Variants in PGR observed in about 807,000 individuals in gnomAD.
PGR encodes nuclear receptor subfamily 3 group C member 3.
A neutral mutation model predicts 76.1 loss-of-function variants in PGR; 25 were observed. That is an observed-to-expected ratio of 0.33 (90% CI 0.24 to 0.46). The LOEUF is 0.46. PGR is among the 20% of genes least tolerant of loss of function. The pLI is 1.00. For synonymous variants in PGR, 579 were observed against 535.0 expected, an observed-to-expected ratio of 1.08 and a Z score of -1.14; for missense variants, 1,172 against 1,225.3, an observed-to-expected ratio of 0.96 and a Z score of 0.65.
chr11:101,051,023 G>T, intron 5 of PGR: 1 of 202,228 alleles, frequency 4.9e-6, no homozygotes, highest in Non-Finnish European at 1.0e-5. Context: ...AAAGCAAATT[G>T]AAATATTTAT....
At chr11:101,047,588 T>C (rs1859933911) in intron 6 of PGR, among the ~76,000 whole-genome samples, 1 of 152,118 alleles carries the variant, frequency 6.6e-6, no homozygotes, top group Admixed American at 6.6e-5. Flanking sequence ...TCCCTCCTGA[T>C]CTGCACCCCC....
chr11:101,050,880 A>C (rs1330103109), intron 5 of PGR: 1 of 182,884 alleles, frequency 5.5e-6, no homozygotes, highest in African/African-American at 2.4e-5. Context: ...AAAAACTGTA[A>C]AGACTTATAT....
Position 101,127,571 on chromosome 11 carries a change from G to C in PGR, c.1500C>G (p.Ala500=), listed in dbSNP as rs1298278858. The part of the protein sequence containing the change: ...LPRDGLPSTS[A]SAAAAGAAPA... The stretch of plus-strand genomic sequence containing the variant: ...GGGCCGCCCCGGCGGCGGCGGCAGA[G>C]GCGGAGGTGGAGGGCAGGCCGTCCC... The change falls in exon 1 of 8, where the codon GCC becomes GCG. Residue 500 remains alanine, a synonymous_variant. Coordinates refer to ENST00000325455, the MANE Select transcript of PGR (RefSeq NM_000926.4). 1 of 1,370,610 alleles carries C rather than the reference G, an allele frequency of 7.3e-7. No individual in the cohort carries two copies. Among genetic ancestry groups the C allele is most frequent in the African/African-American group, 1.5e-5 (1 of 66,808 alleles). 84.9% of individuals were successfully genotyped at this position (1,370,610 alleles called of 1,614,324 possible).
intron 5 of PGR, among the ~76,000 whole-genome samples, chr11:101,050,581 T>C (rs1860051429): frequency 6.6e-6 from 1 of 152,132 alleles, no homozygotes; most frequent in South Asian, 2.1e-4. Flanking sequence ...CATTAATTAA[T>C]TGACAAAGTT....
intron 2 of PGR, among the ~76,000 whole-genome samples, chr11:101,104,645 T>G (rs1369838289): frequency 2.0e-5 from 3 of 152,226 alleles, no homozygotes; most frequent in Non-Finnish European, 4.4e-5. Flanking sequence ...TTACTGCATT[T>G]TGGATCACAC....
intron 3 of PGR, among the ~76,000 whole-genome samples, chr11:101,076,903 T>A (rs1193943359): frequency 3.5e-5 from 5 of 142,024 alleles, no homozygotes; most frequent in Non-Finnish European, 1.6e-5. Context: ...ACTATTTTTT[T>A]AAAACTACAA....
Position 101,038,988 on chromosome 11 carries a change from T to G in PGR, c.*128A>C, listed in dbSNP as rs1372726367. The G allele has an allele frequency of 1.6e-6, 1 of 627,256 alleles. No homozygotes were observed. The highest frequency in any genetic ancestry group is 2.8e-5 in the East Asian group (1 of 35,796). 38.9% of individuals were successfully genotyped at this position (627,256 alleles called of 1,614,324 possible). A position where few individuals can be genotyped will look rare whatever the true frequency, so the allele number is the denominator to read the frequency against. On this transcript the variant is annotated 3_prime_UTR_variant, in exon 8 of 8. Coordinates refer to ENST00000325455, the MANE Select transcript of PGR (RefSeq NM_000926.4). ...GAACCTCACAATTTTTCTTTTAAATTTACACACTATGATGTTATAAATGTA... is the reference window on the plus strand; with the variant it reads ...GAACCTCACAATTTTTCTTTTAAATGTACACACTATGATGTTATAAATGTA...
At chr11:101,108,513 G>A (rs957377339) in intron 2 of PGR, among the ~76,000 whole-genome samples, 4 of 152,064 alleles carry the variant, frequency 2.6e-5, no homozygotes, top group Admixed American at 6.5e-5. Context: ...ATTTTTAAAC[G>A]ACTTGACTAC....
chr11:101,072,903 A>C (rs1266563415), intron 3 of PGR, among the ~76,000 whole-genome samples: 1 of 152,206 alleles, frequency 6.6e-6, no homozygotes, highest in African/African-American at 2.4e-5. Context: ...TGTCAATATT[A>C]GACAGATCAA....
At chr11:101,094,986 C>T (rs1414253772) in intron 2 of PGR, among the ~76,000 whole-genome samples, 1 of 152,150 alleles carries the variant, frequency 6.6e-6, no homozygotes, top group African/African-American at 2.4e-5. Flanking sequence ...CAAGCTTTTA[C>T]CAGACATGGA....
chr11:101,073,126 C>A (rs1861003288), intron 3 of PGR, among the ~76,000 whole-genome samples: 2 of 152,214 alleles, frequency 1.3e-5, no homozygotes, highest in Non-Finnish European at 2.9e-5. Context: ...CAAACAGTTT[C>A]TCAGACCACA....
chr11:101,124,289 G>A (rs1199622928), intron 2 of PGR, among the ~76,000 whole-genome samples: 4 of 152,104 alleles, frequency 2.6e-5, no homozygotes, highest in South Asian at 2.1e-4. Context: ...ACAAAATGAC[G>A]AGAAAGCATT....
rs912414250 is a variant in PGR, at chr11:101,035,248, T to C, written c.*3868A>G. 8 of 225,122 alleles carry C rather than the reference T, an allele frequency of 3.6e-5. No individual in the cohort carries two copies. Among genetic ancestry groups the C allele is most frequent in the African/African-American group, 1.6e-4 (7 of 44,940 alleles). 13.9% of individuals were successfully genotyped at this position (225,122 alleles called of 1,614,324 possible). ...ATCTTTAAATTTGAAAAAAAATGTA[T>C]GTTTTGGCAAGTTTTGAATGCTTCT... On this transcript the variant is annotated 3_prime_UTR_variant, in exon 8 of 8. Coordinates refer to ENST00000325455, the MANE Select transcript of PGR (RefSeq NM_000926.4).
In PGR at chr11:101,096,333, T is replaced by C. The variant is rs143718952; in HGVS notation, c.1790-4457A>G. Among the ~76,000 whole-genome samples, 68 of 152,352 alleles carry C rather than the reference T, an allele frequency of 4.5e-4. 1 individual carries two copies. The East Asian group carries it at 0.01, about 23-fold the overall frequency. ...TTTCATCATCTTTAACATTAAGTGA[T>C]GAGCCATCAAAACTGCAAAGTAGAT... On this transcript the variant is annotated intron_variant, in intron 2 of 7. Coordinates refer to ENST00000325455, the MANE Select transcript of PGR (RefSeq NM_000926.4).
chr11:101,052,285 G>C (rs1455734610), intron 4 of PGR, among the ~76,000 whole-genome samples: 3 of 78,752 alleles, frequency 3.8e-5, no homozygotes, highest in Non-Finnish European at 1.1e-4. Flanking sequence ...GTGTGTGTGT[G>C]TGTGTGTGTG....
chr11:101,124,943 C>G (rs1186388450), intron 2 of PGR, among the ~76,000 whole-genome samples: 2 of 152,024 alleles, frequency 1.3e-5, no homozygotes, highest in African/African-American at 4.8e-5. Flanking sequence ...TTATGAAGAA[C>G]TCCTTTGAAA....
intron 2 of PGR, among the ~76,000 whole-genome samples, chr11:101,116,157 T>C (rs914246294): frequency 2.0e-5 from 3 of 152,208 alleles, no homozygotes; most frequent in African/African-American, 7.2e-5. Flanking sequence ...ATATTGAGAT[T>C]GTGTGTGAGG....
At chr11:101,066,132 T>A (rs2135416879) in intron 3 of PGR, among the ~76,000 whole-genome samples, 1 of 152,290 alleles carries the variant, frequency 6.6e-6, no homozygotes, top group Non-Finnish European at 1.5e-5. Flanking sequence ...TGGAGAAATA[T>A]CACTCTCTTC....
chr11:101,062,362 CAT>C, intron 4 of PGR, 83 bp downstream of exon 4: 4 of 1,000,972 alleles, frequency 4.0e-6, no homozygotes, highest in Non-Finnish European at 6.3e-6. Context: ...TAATTTACTG[CAT>C]AGAGTGTTTT....
Sources: allele counts gnomAD v4.1 joint callset (sites outside exome capture counted in the v4.1 genomes callset), GRCh38; gene constraint gnomAD v4.1.1; transcripts MANE v1.5; gene names NCBI Gene and HGNC (gene_info 2026-07-23, HGNC 2026-07-21).